The following FAM193A variants were observed in gnomAD, a reference collection of about 807,000 sequenced individuals.
The protein encoded by FAM193A is protein FAM193A.
FAM193A carries 22 observed loss-of-function variants against 126.5 expected under a neutral mutation model. The ratio of observed to expected loss-of-function variants is 0.17; its 90% confidence interval spans 0.12 to 0.25. FAM193A has a LOEUF of 0.25. Among genes scored for constraint, FAM193A ranks in the 10% least tolerant of loss-of-function variants. The probability of loss-of-function intolerance (pLI) is 1.00; values close to 1 mark genes in which losing one functional copy is unlikely to be tolerated. For synonymous variants in FAM193A, 761 were observed against 646.8 expected (o/e 1.18, Z -2.68); for missense variants, 1,675 against 1,672.8 (o/e 1.00, Z -0.02).
intron 20 of FAM193A, among the ~76,000 whole-genome samples, chr4:2,728,823 C>T (rs1485686598): frequency 6.8e-6 from 1 of 146,910 alleles, no homozygotes; most frequent in Non-Finnish European, 1.5e-5. Context: ...TTTATTAAAA[C>T]ATTCAAAGAC....
chr4:2,636,951 T>G (rs1744143196), intron 5 of FAM193A, among the ~76,000 whole-genome samples: 1 of 151,996 alleles, frequency 6.6e-6, no homozygotes, highest in South Asian at 2.1e-4. Flanking sequence ...GAGAATGCCC[T>G]CACGTGAGGT....
At chr4:2,578,865 TGA>T (rs545333203) in intron 1 of FAM193A, among the ~76,000 whole-genome samples, 76 of 151,686 alleles carry the variant, frequency 5.0e-4, no homozygotes, top group African/African-American at 1.6e-3. Flanking sequence ...TTGGCTAGGC[TGA>T]GAGAGGAGGA....
intron 20 of FAM193A, among the ~76,000 whole-genome samples, chr4:2,720,661 A>C (rs1297919321): frequency 6.6e-6 from 1 of 152,094 alleles, no homozygotes; most frequent in Admixed American, 6.6e-5. Context: ...AAAAAAAAAA[A>C]AAACAGTTAT....
At chr4:2,716,792 T>G (rs939321591) in intron 20 of FAM193A, among the ~76,000 whole-genome samples, 1 of 152,040 alleles carries the variant, frequency 6.6e-6, no homozygotes, top group Non-Finnish European at 1.5e-5. Flanking sequence ...TTCTCCTGCC[T>G]CAGCCTCCAG....
rs1322607029 is a variant in FAM193A at position 2,696,556 on chromosome 4, C to T, written c.3470C>T (p.Thr1157Met). 6 of 1,614,086 alleles carry T rather than the reference C, an allele frequency of 3.7e-6. No homozygotes were observed. Among genetic ancestry groups the T allele is most frequent in the East Asian group, 4.5e-5 (2 of 44,896 alleles). Residue 1157 changes from threonine to methionine, a missense_variant, in exon 18 of 21, where the codon ACG becomes ATG. Physicochemically the swap from Thr to Met is moderately conservative, Grantham distance 81. This residue lies in a region of FAM193A where 415 missense variants were observed against 396.7 expected (regional missense o/e 1.05). Transcript: ENST00000637812. ...TCCGAAACCAAACCAGTGAGCAGCA[C>T]GCGTGCAGCGAAGCGAGCAAGGCAT... is the stretch of plus-strand genomic sequence containing the variant. ...NSSETKPVSS[T>M]RAAKRARHKQ...
rs1247418221 is a variant in FAM193A, at chr4:2,549,597, C to T, written c.255+12427C>T. On this transcript the variant is annotated intron_variant, in intron 1 of 20. Coordinates refer to ENST00000637812, the MANE Select transcript of FAM193A (RefSeq NM_001366318.2). ...ATTTTTAGTAGAGACGGGGTTTCACCGTTTTAGCCAGGATGGTCTCGATCT... is the reference window on the plus strand; with the variant it reads ...ATTTTTAGTAGAGACGGGGTTTCACTGTTTTAGCCAGGATGGTCTCGATCT... Among the ~76,000 whole-genome samples, 35 of 150,530 alleles carry T rather than the reference C, an allele frequency of 2.3e-4. No individual in the cohort carries two copies. In the East Asian group the frequency reaches 6.0e-3, roughly 26 times the overall value.
At chr4:2,552,831 C>G (rs979373570) in intron 1 of FAM193A, among the ~76,000 whole-genome samples, 6 of 151,080 alleles carry the variant, frequency 4.0e-5, no homozygotes, top group South Asian at 2.1e-4. Context: ...GCCACCGCGC[C>G]CGGCCACAGA....
intron 19 of FAM193A, 128 bp downstream of exon 19, chr4:2,700,672 G>A (rs571299141): frequency 2.2e-5 from 26 of 1,175,084 alleles, no homozygotes; most frequent in Admixed American, 7.6e-5. Context: ...AGAAAAGAGC[G>A]TAGAGGGGCC....
chr4:2,548,613 C>T (rs1028966966), intron 1 of FAM193A, among the ~76,000 whole-genome samples: 11 of 151,278 alleles, frequency 7.3e-5, no homozygotes, highest in African/African-American at 2.2e-4. Flanking sequence ...TGTGCCACCG[C>T]GCCTGGCTAA....
chr4:2,623,506 A>C (rs1742681051), intron 2 of FAM193A, among the ~76,000 whole-genome samples: 1 of 152,174 alleles, frequency 6.6e-6, no homozygotes, highest in Non-Finnish European at 1.5e-5. Flanking sequence ...CCACTTAGCA[A>C]CGCTCAGGCT....
At chr4:2,667,497 G>T (rs941403335) in intron 12 of FAM193A, among the ~76,000 whole-genome samples, 1 of 152,114 alleles carries the variant, frequency 6.6e-6, no homozygotes, top group Non-Finnish European at 1.5e-5. Flanking sequence ...GCATTTGGGG[G>T]TGATGTTATT....
chr4:2,672,013 C>G, intron 12 of FAM193A, 108 bp from the exon 13 acceptor site: 8 of 1,247,802 alleles, frequency 6.4e-6, no homozygotes, highest in Non-Finnish European at 9.1e-6. Flanking sequence ...AGGAAAAGCC[C>G]ACTTACCTTT....
At chr4:2,586,573 C>T (rs995990217) in intron 1 of FAM193A, among the ~76,000 whole-genome samples, 1 of 151,994 alleles carries the variant, frequency 6.6e-6, no homozygotes, top group African/African-American at 2.4e-5. Context: ...ATTTAGTGTC[C>T]GTGTATCATA....
At chr4:2,605,085 A>C (rs543830311) in intron 2 of FAM193A, among the ~76,000 whole-genome samples, 1 of 151,924 alleles carries the variant, frequency 6.6e-6, no homozygotes, top group African/African-American at 2.4e-5. Flanking sequence ...CTGGCATTAC[A>C]GGTGTGAGCC....
chr4:2,619,804 C>T (rs1230317349), intron 2 of FAM193A, among the ~76,000 whole-genome samples: 2 of 152,164 alleles, frequency 1.3e-5, no homozygotes, highest in African/African-American at 2.4e-5. Context: ...AATTCTCCTG[C>T]CTCAACCTCT....
At chr4:2,549,963 G>A (rs981083812) in intron 1 of FAM193A, among the ~76,000 whole-genome samples, 28 of 144,040 alleles carry the variant, frequency 1.9e-4, no homozygotes, top group African/African-American at 2.6e-4. Flanking sequence ...TCCTGACCTC[G>A]TGATCTGCCC....
At chr4:2,711,142 A>C (rs573960235) in intron 19 of FAM193A, among the ~76,000 whole-genome samples, 1 of 151,160 alleles carries the variant, frequency 6.6e-6, no homozygotes, top group Non-Finnish European at 1.5e-5. Context: ...GTGAGCCACC[A>C]CGCCCGGCCA....
At chr4:2,649,083 A>C (rs1394555290) in intron 7 of FAM193A, among the ~76,000 whole-genome samples, 3 of 152,216 alleles carry the variant, frequency 2.0e-5, no homozygotes, top group South Asian at 4.1e-4. Flanking sequence ...ATTTTTAAAA[A>C]GTAAAACTGG....
At chr4:2,614,140 G>T (rs1742049685) in intron 2 of FAM193A, among the ~76,000 whole-genome samples, 1 of 152,084 alleles carries the variant, frequency 6.6e-6, no homozygotes, top group East Asian at 1.9e-4. Flanking sequence ...TTTGCAATCT[G>T]TGTATCTTCA....
Sources: gnomAD v4.1 joint callset for allele counts (sites outside exome capture counted in the v4.1 genomes callset) on GRCh38, gnomAD v4.1.1 for gene constraint, gnomAD v4.1.1 regional missense constraint, MANE v1.5 for transcripts, NCBI Gene and HGNC (gene_info 2026-07-23, HGNC 2026-07-21) for gene names.